Variants in PUM1 observed in about 807,000 individuals in gnomAD.
The protein encoded by PUM1 is pumilio homolog 1.
In PUM1, 13 loss-of-function variants were observed where a neutral mutation model predicts 131.8. The ratio of observed to expected loss-of-function variants is 0.10; its 90% CI spans 0.06 to 0.16. PUM1 has a LOEUF of 0.16. PUM1 is among the 10% of genes least tolerant of loss of function. PUM1 has a pLI of 1.00. For synonymous variants in PUM1, 509 were observed against 556.5 expected, an observed-to-expected ratio of 0.91 and a Z score of 1.20; for missense variants, 961 against 1,512.4, an observed-to-expected ratio of 0.64 and a Z score of 6.05.
rs1318131320 is a variant in PUM1, at chr1:31,052,234, G to A, written c.363+6970C>T. Among the ~76,000 whole-genome samples, 5 of 151,640 alleles carry A rather than the reference G, an allele frequency of 3.3e-5. No homozygotes were observed. In the East Asian group the frequency reaches 5.8e-4, roughly 18 times the overall value. On this transcript the variant is annotated intron_variant, in intron 2 of 21. Coordinates refer to ENST00000426105, the MANE Select transcript of PUM1 (RefSeq NM_001020658.2). ...TCACCGTGTTAGCCAGGATGGTCTCGATCTCCTGATCTCGTGATCCGCCTG... is the reference window on the plus strand; with the variant it reads ...TCACCGTGTTAGCCAGGATGGTCTCAATCTCCTGATCTCGTGATCCGCCTG...
At chr1:30,953,058 C>G (rs1324550044) in intron 15 of PUM1, among the ~76,000 whole-genome samples, 1 of 152,082 alleles carries the variant, frequency 6.6e-6, no homozygotes, top group Non-Finnish European at 1.5e-5. Flanking sequence ...AACAGTCTGC[C>G]TTTTTTTAGT....
At chr1:30,980,467 C>T (rs371634798) in intron 8 of PUM1, among the ~76,000 whole-genome samples, 1 of 152,028 alleles carries the variant, frequency 6.6e-6, no homozygotes, top group African/African-American at 2.4e-5. Context: ...TACAATAGAA[C>T]AATTTTAAAG....
intron 2 of PUM1, among the ~76,000 whole-genome samples, chr1:31,039,638 C>T (rs11487436): frequency 0.025 from 3,816 of 152,300 alleles, 177 homozygotes; most frequent in African/African-American, 0.086. Flanking sequence ...CAGTGGCTCA[C>T]GCCTGTAATC....
intron 17 of PUM1, among the ~76,000 whole-genome samples, chr1:30,947,027 G>A (rs1453609296): frequency 2.0e-5 from 3 of 152,162 alleles, no homozygotes; most frequent in Non-Finnish European, 4.4e-5. Flanking sequence ...CCCTGGTTAG[G>A]CATACCTCTA....
intron 18 of PUM1, among the ~76,000 whole-genome samples, chr1:30,943,095 C>T (rs1291295213): frequency 6.6e-6 from 1 of 152,000 alleles, no homozygotes; most frequent in East Asian, 1.9e-4. Flanking sequence ...TATTTACAAT[C>T]GTAAAGATAA....
chr1:30,990,531 C>A (rs1424686820), intron 7 of PUM1, among the ~76,000 whole-genome samples: 1 of 151,922 alleles, frequency 6.6e-6, no homozygotes, highest in Non-Finnish European at 1.5e-5. Flanking sequence ...AAGAAACAAA[C>A]ACCAATTTCC....
At chr1:31,058,241 A>C (rs1441944180) in intron 2 of PUM1, among the ~76,000 whole-genome samples, 1 of 152,208 alleles carries the variant, frequency 6.6e-6, no homozygotes, top group Non-Finnish European at 1.5e-5. Context: ...ACAACATCTT[A>C]AAATCAAGTC....
intron 8 of PUM1, 98 bp downstream of exon 8, chr1:30,981,214 T>C (rs1641343589): frequency 2.8e-6 from 2 of 707,652 alleles, no homozygotes; most frequent in East Asian, 3.0e-5. Context: ...TTGTCTGAAC[T>C]TTTATAATCA....
At chr1:30,940,084 C>T (rs1245861908) in intron 20 of PUM1, among the ~76,000 whole-genome samples, 1 of 152,114 alleles carries the variant, frequency 6.6e-6, no homozygotes, top group Admixed American at 6.5e-5. Context: ...AAGAGATAAC[C>T]CTGATAGGGC....
At position 31,001,855 on chromosome 1, in the gene PUM1, A is replaced by G. The variant is rs1256083895; in HGVS notation, c.720+3998T>C. Among the ~76,000 whole-genome samples the G allele has an allele frequency of 5.3e-5, 8 of 152,156 alleles. 1 individual carries two copies. The highest frequency in any genetic ancestry group is 5.2e-4 in the Admixed American group (8 of 15,270). On this transcript the variant is annotated intron_variant, in intron 5 of 21. Transcript: ENST00000426105. ...TCTTTGTCCAGCTGAGTTTTCTGAG[A>G]TAACGCGTATGATAGCAGTGCTTAT...
rs1378499024 is a variant in PUM1 at position 31,059,250 on chromosome 1, CTAT to C, written c.314_316del (p.Asn105del). 3.1e-6 allele frequency: 5 copies of C among 1,611,156 alleles called. No individual in the cohort carries two copies. The highest frequency in any genetic ancestry group is 3.4e-5 in the Admixed American group (2 of 59,282). On this transcript the variant is annotated inframe_deletion, in exon 2 of 22. Coordinates refer to ENST00000426105, the MANE Select transcript of PUM1 (RefSeq NM_001020658.2). Reference sequence around the variant, plus strand: ...ATCCCCAGTAGGCCATCGATGTTTGCTATTATTATAGCCGCCTCCTCCACTTCC... The same window carrying C: ...ATCCCCAGTAGGCCATCGATGTTTGCTATTATAGCCGCCTCCTCCACTTCC...
intron 2 of PUM1, among the ~76,000 whole-genome samples, chr1:31,038,984 A>ATATATTTTTTTTTTTTTTTTTTTTT: frequency 4.0e-5 from 2 of 49,422 alleles, no homozygotes; most frequent in Admixed American, 2.2e-4. Flanking sequence ...ATATATATAT[A>ATATATTTTTTTTTTTTTTTTTTTTT]TTTTTTTTTT....
At chr1:30,942,273 G>C in intron 18 of PUM1, 150 bp from the exon 19 acceptor site, 1 of 169,300 alleles carries the variant, frequency 5.9e-6, no homozygotes, top group Non-Finnish European at 1.0e-5. Flanking sequence ...GAACTTAATG[G>C]CATTTAAGTT....
chr1:30,969,214 G>C (rs1640758747), intron 10 of PUM1, among the ~76,000 whole-genome samples: 1 of 146,014 alleles, frequency 6.8e-6, no homozygotes, highest in African/African-American at 2.5e-5. Context: ...TGAGGCAGGA[G>C]AATCACTTGA....
In PUM1 at chr1:30,965,985, C is replaced by G; in HGVS notation, c.2083G>C (p.Ala695Pro). ...LGSALGGFGT[A>P]VANSNTGSGS... is the part of the protein sequence containing the mutation. Reference sequence around the variant, plus strand: ...AGCATATCAGTCTAATTTCTACCTGCTGTTCCAAACCCTCCAAGGGCGGAT... The same window carrying G: ...AGCATATCAGTCTAATTTCTACCTGGTGTTCCAAACCCTCCAAGGGCGGAT... The change falls in exon 13 of 22, where the codon GCA (alanine) becomes CCA (proline). Residue 695 changes from alanine (A) to proline (P), a missense_variant. Transcript: ENST00000426105. 6.2e-7 allele frequency: 1 copy of G among 1,609,534 alleles called. No homozygotes were observed. Among genetic ancestry groups the G allele is most frequent in the Non-Finnish European group, 8.5e-7 (1 of 1,177,898 alleles).
chr1:30,954,111 G>T, intron 14 of PUM1, 130 bp from the exon 15 acceptor site: 1 of 1,001,808 alleles, frequency 1.0e-6, no homozygotes, highest in Non-Finnish European at 1.4e-6. Context: ...TTTGTGTCAA[G>T]ACAATTCTAT....
chr1:30,997,495 CTTTTTTTT>C (rs9286937), intron 5 of PUM1, among the ~76,000 whole-genome samples: 1 of 129,832 alleles, frequency 7.7e-6, no homozygotes. Context: ...TGAAACTCGT[CTTTTTTTT>C]TTTTTTTTTT....
intron 2 of PUM1, among the ~76,000 whole-genome samples, chr1:31,038,566 A>T (rs1383750039): frequency 3.3e-5 from 5 of 152,202 alleles, no homozygotes; most frequent in Admixed American, 6.5e-5. Flanking sequence ...CATGACAGGC[A>T]TTACATACAA....
At chr1:30,973,601 G>T (rs1641017939) in intron 10 of PUM1, among the ~76,000 whole-genome samples, 1 of 152,080 alleles carries the variant, frequency 6.6e-6, no homozygotes, top group Non-Finnish European at 1.5e-5. Context: ...TCATTTAAAA[G>T]AACACTAAAT....
Sources: gnomAD v4.1 joint callset for allele counts (sites outside exome capture counted in the v4.1 genomes callset) on GRCh38, gnomAD v4.1.1 for gene constraint, MANE v1.5 for transcripts, NCBI Gene and HGNC (gene_info 2026-07-23, HGNC 2026-07-21) for gene names.